The following GLI3 variants were observed in gnomAD, a reference collection of about 807,000 sequenced individuals.
GLI3 encodes GLI family zinc finger 3.
Under a neutral mutation model 100.8 loss-of-function variants are expected in GLI3, and 20 were observed. That is an observed-to-expected ratio of 0.20 (90% confidence interval 0.14 to 0.29). The LOEUF (loss-of-function observed/expected upper bound fraction) is 0.29. GLI3 is among the 10% of genes least tolerant of loss of function. The probability of loss-of-function intolerance (pLI) is 1.00; values close to 1 mark genes in which losing one functional copy is unlikely to be tolerated. For synonymous variants in GLI3, 938 were observed against 860.5 expected, an observed-to-expected ratio of 1.09 and a Z score of -1.58; for missense variants, 2,040 against 2,128.5, an observed-to-expected ratio of 0.96 and a Z score of 0.82.
At chr7:42,208,148 G>A (rs1583648680) in intron 2 of GLI3, among the ~76,000 whole-genome samples, 1 of 152,152 alleles carries the variant, frequency 6.6e-6, no homozygotes, top group African/African-American at 2.4e-5. Context: ...GACAGAGGGA[G>A]ACTCCATCTC....
chr7:42,191,331 C>T (rs550152960), intron 2 of GLI3, among the ~76,000 whole-genome samples: 3 of 152,116 alleles, frequency 2.0e-5, no homozygotes, highest in Admixed American at 1.3e-4. Flanking sequence ...TAATAATAGC[C>T]GGCCGTGGTG....
chr7:42,117,578 G>A (rs1043376524), intron 3 of GLI3, among the ~76,000 whole-genome samples: 15 of 152,184 alleles, frequency 9.9e-5, no homozygotes, highest in Non-Finnish European at 1.5e-5. Context: ...GGGTGCAGGA[G>A]AGAAGACATT....
chr7:42,098,660 T>C (rs1386038309), intron 3 of GLI3, among the ~76,000 whole-genome samples: 1 of 152,226 alleles, frequency 6.6e-6, no homozygotes, highest in African/African-American at 2.4e-5. Context: ...TGTGTCAATT[T>C]AGGCTATCTT....
chr7:42,209,238 A>G (rs1161354873), intron 2 of GLI3, among the ~76,000 whole-genome samples: 1 of 152,000 alleles, frequency 6.6e-6, no homozygotes, highest in African/African-American at 2.4e-5. Flanking sequence ...TTTTGTAGAG[A>G]CAGGGTCTTG....
chr7:42,196,240 G>A (rs767928977), intron 2 of GLI3, among the ~76,000 whole-genome samples: 5 of 152,206 alleles, frequency 3.3e-5, no homozygotes, highest in Non-Finnish European at 5.9e-5. Context: ...CAGGTACATC[G>A]TAAATCTCTT....
intron 4 of GLI3, among the ~76,000 whole-genome samples, chr7:42,050,640 C>A (rs1025206809): frequency 1.3e-5 from 2 of 152,182 alleles, no homozygotes. Context: ...GGGACTGGTG[C>A]CACCGAATGC....
rs957473577 is a variant in GLI3 at position 42,125,209 on chromosome 7, G to A, written c.367+23017C>T. 2.6e-5 allele frequency among the ~76,000 whole-genome samples: 4 copies of A among 152,220 alleles called. 1 individual carries two copies. Among genetic ancestry groups the A allele is most frequent in the Non-Finnish European group, 5.9e-5 (4 of 68,036 alleles). The stretch of plus-strand genomic sequence containing the variant: ...TTGTAAGTACCAACAACTTGGAGAG[G>A]TAAGGGGAAAGAAAAGCCTGCCATG... On this transcript the variant is annotated intron_variant, in intron 3 of 14. Transcript: ENST00000395925.
At chr7:42,199,700 G>A (rs897904959) in intron 2 of GLI3, among the ~76,000 whole-genome samples, 4 of 152,294 alleles carry the variant, frequency 2.6e-5, no homozygotes, top group South Asian at 2.1e-4. Context: ...ATGTCCTATC[G>A]GATTTATCCT....
chr7:42,099,314 C>T (rs1190435673), intron 3 of GLI3, among the ~76,000 whole-genome samples: 4 of 152,192 alleles, frequency 2.6e-5, no homozygotes, highest in Admixed American at 6.5e-5. Flanking sequence ...CCTTTGAATT[C>T]GACACCATCT....
chr7:42,101,958 A>G (rs1785473776), intron 3 of GLI3, among the ~76,000 whole-genome samples: 1 of 150,458 alleles, frequency 6.6e-6, no homozygotes, highest in Admixed American at 6.6e-5. Flanking sequence ...TTCTTGCAAT[A>G]GTTTACTGAG....
At position 42,060,993 on chromosome 7, in the gene GLI3, T is replaced by C. The variant is rs145189762; in HGVS notation, c.474-12297A>G. Reference sequence around the variant, plus strand: ...GTTTACAAACAAACCAGCTCATGTTTGTATCATTTACATGGAAATCTCAAC... The same window carrying C: ...GTTTACAAACAAACCAGCTCATGTTCGTATCATTTACATGGAAATCTCAAC... On this transcript the variant is annotated intron_variant, in intron 4 of 14. Transcript: ENST00000395925. Among the ~76,000 whole-genome samples, 307 of 152,362 alleles carry C rather than the reference T, an allele frequency of 2.0e-3. 2 individuals are homozygous for C. Among genetic ancestry groups the C allele is most frequent in the African/African-American group, 7.0e-3 (293 of 41,590 alleles).
At chr7:42,098,004 A>G (rs921389122) in intron 3 of GLI3, among the ~76,000 whole-genome samples, 1 of 152,208 alleles carries the variant, frequency 6.6e-6, no homozygotes, top group African/African-American at 2.4e-5. Context: ...TTTGCGGATC[A>G]GATTATGCTC....
At chr7:42,132,529 C>G (rs1786316894) in intron 3 of GLI3, among the ~76,000 whole-genome samples, 2 of 152,084 alleles carry the variant, frequency 1.3e-5, no homozygotes, top group Non-Finnish European at 1.5e-5. Context: ...CCTAGAAAAA[C>G]AACAAACTAA....
At chr7:42,249,969 C>A (rs1789014827) in intron 1 of GLI3, among the ~76,000 whole-genome samples, 1 of 152,052 alleles carries the variant, frequency 6.6e-6, no homozygotes, top group South Asian at 2.1e-4. Flanking sequence ...GTGTTGCATA[C>A]CTGTAGTCCC....
intron 2 of GLI3, among the ~76,000 whole-genome samples, chr7:42,154,643 A>C (rs1240697801): frequency 2.6e-5 from 4 of 152,234 alleles, no homozygotes; most frequent in Middle Eastern, 3.2e-3. Context: ...CCAAAGAGAG[A>C]TCAGAAATGA....
chr7:42,146,518 T>C (rs1049120611), intron 3 of GLI3, among the ~76,000 whole-genome samples: 3 of 152,214 alleles, frequency 2.0e-5, no homozygotes, highest in African/African-American at 7.2e-5. Flanking sequence ...AAAGAAGTAC[T>C]CTTCAGCTGT....
intron 10 of GLI3, among the ~76,000 whole-genome samples, chr7:41,987,439 T>A (rs1379134227): frequency 6.6e-6 from 1 of 152,218 alleles, no homozygotes; most frequent in Non-Finnish European, 1.5e-5. Flanking sequence ...AGTACTGGGA[T>A]TACAGGCGTG....
At chr7:42,045,094 T>C (rs1784218157) in intron 6 of GLI3, among the ~76,000 whole-genome samples, 1 of 152,206 alleles carries the variant, frequency 6.6e-6, no homozygotes, top group South Asian at 2.1e-4. Context: ...CTATGTCACC[T>C]GGGCTGGGAT....
rs550481526 is a variant in GLI3 at position 42,228,206 on chromosome 7, G to A, written c.-42-4911C>T. On this transcript the variant is annotated intron_variant, in intron 1 of 14. Transcript: ENST00000395925. ...TCCACGCCGAGTTCTCCCGGCCCCG[G>A]CGCGCCCCAGTCAGCGCGCCAGCAA... Among the ~76,000 whole-genome samples, 8 of 152,270 alleles carry A rather than the reference G, an allele frequency of 5.3e-5. No homozygotes were observed. The East Asian group carries it at 1.4e-3, about 26-fold the overall frequency.
Sources: gnomAD v4.1 joint callset for allele counts (sites outside exome capture counted in the v4.1 genomes callset) on GRCh38, gnomAD v4.1.1 for gene constraint, MANE v1.5 for transcripts, NCBI Gene and HGNC (gene_info 2026-07-23, HGNC 2026-07-21) for gene names.